Variants in PPIP5K2 observed in about 807,000 individuals in gnomAD.
The protein encoded by PPIP5K2 is diphosphoinositol pentakisphosphate kinase 2, also known as inositol hexakisphosphate and diphosphoinositol-pentakisphosphate kinase 2.
PPIP5K2 carries 105 observed loss-of-function variants against 154.6 expected under a neutral mutation model. The observed-to-expected ratio is 0.68, with a 90% CI of 0.58 to 0.80. The LOEUF (loss-of-function observed/expected upper bound fraction) is 0.80, where lower values mean the gene tolerates loss of function less well. Among genes scored for constraint, PPIP5K2 ranks in the 30% least tolerant of loss-of-function variants. PPIP5K2 has a pLI of 0.00. For synonymous variants in PPIP5K2, 480 were observed against 490.3 expected, an observed-to-expected ratio of 0.98 and a Z score of 0.28; for missense variants, 992 against 1,504.6, an observed-to-expected ratio of 0.66 and a Z score of 5.64.
At chr5:103,194,166 T>G (rs1270930358) in intron 29 of PPIP5K2, among the ~76,000 whole-genome samples, 2 of 152,074 alleles carry the variant, frequency 1.3e-5, no homozygotes, top group Non-Finnish European at 2.9e-5. Context: ...AGACTCTGTC[T>G]CTTTGTTTTT....
rs1203166713 is a variant in PPIP5K2, at chr5:103,189,183, T to G, written c.3353-1659T>G. ...TCTGTGCAGAACACCTACACCTCTA[T>G]AGGTGCTGGTCCGTTTCCTCTGTGG... On this transcript the variant is annotated intron_variant, in intron 28 of 30. Transcript: ENST00000358359. 17 of 1,530,294 alleles carry G rather than the reference T, an allele frequency of 1.1e-5. No homozygotes were observed. In the Admixed American group the frequency reaches 3.3e-4, roughly 30 times the overall value. 94.8% of individuals were successfully genotyped at this position (1,530,294 alleles called of 1,614,324 possible).
rs1238745892 is a variant in PPIP5K2, at chr5:103,149,274, A to C, written c.867A>C (p.Arg289=). ...GATACCCTGTTATTCTCAATGCACGAGAGAAATTAATTGCTTGGAAAGTCT... is the reference window on the plus strand; with the variant it reads ...GATACCCTGTTATTCTCAATGCACGCGAGAAATTAATTGCTTGGAAAGTCT... The part of the protein sequence containing the change: ...EVRYPVILNA[R]EKLIAWKVCL... The change falls in exon 8 of 31, where the codon CGA becomes CGC. Residue 289 remains arginine (R), a synonymous_variant. Coordinates refer to ENST00000358359, the MANE Select transcript of PPIP5K2 (RefSeq NM_001276277.3). 14 of 1,613,736 alleles carry C rather than the reference A, an allele frequency of 8.7e-6. No individual in the cohort carries two copies. The highest frequency in any genetic ancestry group is 1.2e-5 in the Non-Finnish European group (14 of 1,179,730).
intron 24 of PPIP5K2, among the ~76,000 whole-genome samples, chr5:103,182,129 G>A (rs1799640080): frequency 6.6e-6 from 1 of 151,934 alleles, no homozygotes; most frequent in South Asian, 2.1e-4. Flanking sequence ...TTTGTGTGAG[G>A]GCAGTGATTT....
intron 5 of PPIP5K2, among the ~76,000 whole-genome samples, chr5:103,142,363 A>G (rs1437472593): frequency 6.6e-6 from 1 of 151,832 alleles, no homozygotes; most frequent in South Asian, 2.1e-4. Flanking sequence ...CCCACCCAGA[A>G]CTCCAGCTGG....
chr5:103,190,632 T>A (rs533898375), intron 28 of PPIP5K2, among the ~76,000 whole-genome samples: 19 of 152,082 alleles, frequency 1.2e-4, no homozygotes, highest in African/African-American at 4.3e-4. Flanking sequence ...TACTACGTGA[T>A]TACATTTAAA....
chr5:103,136,426 C>G (rs1791509219), intron 3 of PPIP5K2, among the ~76,000 whole-genome samples: 2 of 152,156 alleles, frequency 1.3e-5, no homozygotes, highest in Admixed American at 6.5e-5. Flanking sequence ...ATAGATTTCT[C>G]TTTGTGTATG....
At chr5:103,187,911 C>A (rs1800651957) in intron 28 of PPIP5K2, among the ~76,000 whole-genome samples, 1 of 152,112 alleles carries the variant, frequency 6.6e-6, no homozygotes, top group African/African-American at 2.4e-5. Context: ...AAGCAAAACC[C>A]TGTTCGGTCT....
intron 1 of PPIP5K2, among the ~76,000 whole-genome samples, chr5:103,128,179 T>G (rs2149448082): frequency 6.6e-6 from 1 of 152,236 alleles, no homozygotes; most frequent in South Asian, 2.1e-4. Context: ...ATAGAACTTT[T>G]GGAGTTATGC....
intron 4 of PPIP5K2, among the ~76,000 whole-genome samples, chr5:103,137,086 T>C (rs1307361548): frequency 3.3e-5 from 5 of 152,226 alleles, no homozygotes; most frequent in African/African-American, 1.2e-4. Context: ...CAGAGCCTAC[T>C]AAACCATTCA....
In PPIP5K2 at chr5:103,127,571, G is replaced by A. The variant is rs1789899902; in HGVS notation, c.-284-1735G>A. Among the ~76,000 whole-genome samples the A allele has an allele frequency of 1.3e-5, 2 of 152,172 alleles. 1 individual carries two copies. The highest frequency in any genetic ancestry group is 4.1e-4 in the South Asian group (2 of 4,832). ...TTCATTCTTTTAGATTTACATGTTA[G>A]AGTCAGTAGGGAGTTTGGTTTACAG... On this transcript the variant is annotated intron_variant, in intron 1 of 30. Coordinates refer to ENST00000358359, the MANE Select transcript of PPIP5K2 (RefSeq NM_001276277.3).
At chr5:103,121,461 T>G (rs570854266) in intron 1 of PPIP5K2, among the ~76,000 whole-genome samples, 104 of 152,340 alleles carry the variant, frequency 6.8e-4, no homozygotes, top group African/African-American at 2.4e-3. Context: ...CGTTTGAATC[T>G]GTGTTAAAAA....
chr5:103,159,343 A>G lies in PPIP5K2; in HGVS notation c.1920+15A>G, dbSNP rs1221725039. ...ATTATGAAAAGGTGGGTCTTAGCAA[A>G]CTCTTATATTGTGAAATATTACACA... On this transcript the variant is annotated intron_variant, in intron 17 of 30. Transcript: ENST00000358359. The G allele has an allele frequency of 4.4e-6, 7 of 1,577,756 alleles. No homozygotes were observed. The highest frequency in any genetic ancestry group is 1.8e-5 in the Admixed American group (1 of 54,272).
chr5:103,199,230 A>C (rs901247547), intron 30 of PPIP5K2, among the ~76,000 whole-genome samples: 1 of 152,120 alleles, frequency 6.6e-6, no homozygotes, highest in Non-Finnish European at 1.5e-5. Context: ...TATATTTGCC[A>C]TATTTTTTGC....
At position 103,139,992 on chromosome 5, in the gene PPIP5K2, A is replaced by G. The variant is rs148708404; in HGVS notation, c.487+1523A>G. ...TCCATAGCCAGAGGAGAAAGAGAGG[A>G]AAAGAATGAAACACACTTACAGGAC... On this transcript the variant is annotated intron_variant, in intron 5 of 30. Coordinates refer to ENST00000358359, the MANE Select transcript of PPIP5K2 (RefSeq NM_001276277.3). Among the ~76,000 whole-genome samples, 553 of 152,258 alleles carry G rather than the reference A, an allele frequency of 3.6e-3. 2 individuals carry two copies. Among genetic ancestry groups the G allele is most frequent in the South Asian group, 0.021 (103 of 4,828 alleles).
At chr5:103,137,319 C>T (rs926368758) in intron 4 of PPIP5K2, among the ~76,000 whole-genome samples, 18 of 152,096 alleles carry the variant, frequency 1.2e-4, no homozygotes, top group Middle Eastern at 3.4e-3. Flanking sequence ...CCCGCCACCA[C>T]GCCCAGCTAA....
Position 103,158,178 on chromosome 5 carries a change from T to G in PPIP5K2, c.1490-10T>G. On this transcript the variant is annotated splice_polypyrimidine_tract_variant and intron_variant, in intron 14 of 30. Coordinates refer to ENST00000358359, the MANE Select transcript of PPIP5K2 (RefSeq NM_001276277.3). ...TTAACATTTGTTTTATTCATTCATATGTGTCATAGACAGCCGAAGAGAAGA... is the reference window on the plus strand; with the variant it reads ...TTAACATTTGTTTTATTCATTCATAGGTGTCATAGACAGCCGAAGAGAAGA... 1 of 1,609,798 alleles carries G rather than the reference T, an allele frequency of 6.2e-7. No homozygotes were observed. Among genetic ancestry groups the G allele is most frequent in the Non-Finnish European group, 8.5e-7 (1 of 1,177,168 alleles).
chr5:103,151,795 C>T (rs1033228061), intron 9 of PPIP5K2, among the ~76,000 whole-genome samples: 1 of 151,930 alleles, frequency 6.6e-6, no homozygotes, highest in Admixed American at 6.5e-5. Context: ...ATTCATTCTA[C>T]AAGCATATGT....
intron 24 of PPIP5K2, among the ~76,000 whole-genome samples, chr5:103,181,026 T>C (rs1799453678): frequency 6.6e-6 from 1 of 152,104 alleles, no homozygotes; most frequent in South Asian, 2.1e-4. Flanking sequence ...TTAAGATCTA[T>C]AAATAGGTTA....
At chr5:103,174,880 G>A (rs1283274325) in intron 21 of PPIP5K2, among the ~76,000 whole-genome samples, 1 of 151,968 alleles carries the variant, frequency 6.6e-6, no homozygotes, top group Non-Finnish European at 1.5e-5. Flanking sequence ...CTGCCACAGT[G>A]ATACCTATTT....
Sources: gnomAD v4.1 joint callset for allele counts (sites outside exome capture counted in the v4.1 genomes callset) on GRCh38, gnomAD v4.1.1 for gene constraint, MANE v1.5 for transcripts, NCBI Gene and HGNC (gene_info 2026-07-23, HGNC 2026-07-21) for gene names.